DCK: variants seen among roughly 807,000 people sequenced by gnomAD.
DCK encodes the protein deoxycytidine kinase, also known as deoxyadenosine kinase.
A neutral mutation model predicts 38.3 loss-of-function variants in DCK; 23 were observed. The observed-to-expected ratio is 0.60, with a 90% CI of 0.43 to 0.85. The LOEUF (loss-of-function observed/expected upper bound fraction) is 0.85. Ranked by LOEUF, DCK falls within the 40% of genes least tolerant of loss-of-function variation. The pLI, the probability that DCK is intolerant of heterozygous loss-of-function variation, is 0.00. For synonymous variants in DCK, 108 were observed against 100.6 expected (o/e 1.07, Z -0.44); for missense variants, 259 against 304.4 (o/e 0.85, Z 1.11).
intron 2 of DCK, among the ~76,000 whole-genome samples, chr4:71,015,556 C>A (rs1363131075): frequency 6.6e-6 from 1 of 152,182 alleles, no homozygotes. Context: ...CAAACTGAAT[C>A]CAGCAGCACA....
At chr4:70,994,382 GC>G (rs1046295067) in intron 1 of DCK, among the ~76,000 whole-genome samples, 3 of 152,102 alleles carry the variant, frequency 2.0e-5, no homozygotes, top group African/African-American at 7.2e-5. Context: ...TTTGTATTCA[GC>G]CCCCTCCACC....
intron 2 of DCK, among the ~76,000 whole-genome samples, chr4:71,010,486 C>G (rs1338910301): frequency 6.6e-6 from 1 of 150,780 alleles, no homozygotes; most frequent in African/African-American, 2.4e-5. Flanking sequence ...GAAGCTGTCT[C>G]TGTCTTGTTT....
chr4:71,005,790 C>G (rs1375587580), intron 2 of DCK, among the ~76,000 whole-genome samples: 1 of 152,030 alleles, frequency 6.6e-6, no homozygotes, highest in Non-Finnish European at 1.5e-5. Flanking sequence ...GCCTGAGCCA[C>G]TATGCCCAAC....
At position 71,025,616 on chromosome 4, in the gene DCK, A is replaced by G. The variant is rs370858004; in HGVS notation, c.550-200A>G. 8.5e-5 allele frequency among the ~76,000 whole-genome samples: 13 copies of G among 152,192 alleles called. No homozygotes were observed. The East Asian group carries it at 1.9e-3, about 23-fold the overall frequency. On this transcript the variant is annotated intron_variant, in intron 4 of 6. Transcript: ENST00000286648. ...CCAAAAATTTATAGGCTTATTTTTG[A>G]AAGTACTGCTTGGCTTAGAGCCACC...
At chr4:71,014,615 C>T (rs1740203645) in intron 2 of DCK, among the ~76,000 whole-genome samples, 4 of 152,218 alleles carry the variant, frequency 2.6e-5, no homozygotes, top group Admixed American at 2.0e-4. Context: ...GATTAAGAAA[C>T]TTACTCAAAA....
chr4:71,020,893 T>C (rs778165061), intron 2 of DCK, among the ~76,000 whole-genome samples: 67 of 152,114 alleles, frequency 4.4e-4, no homozygotes, highest in Non-Finnish European at 8.8e-4. Context: ...TCCCCAGATT[T>C]AGAATCAGAA....
At chr4:71,012,820 C>A (rs1016932285) in intron 2 of DCK, among the ~76,000 whole-genome samples, 1 of 152,178 alleles carries the variant, frequency 6.6e-6, no homozygotes, top group Non-Finnish European at 1.5e-5. Flanking sequence ...TAGGGAAAAA[C>A]AGAGCAGAAA....
chr4:71,021,834 C>G (rs1042399871), intron 2 of DCK, among the ~76,000 whole-genome samples: 5 of 152,146 alleles, frequency 3.3e-5, no homozygotes, highest in African/African-American at 4.8e-5. Context: ...AACCCCGTCT[C>G]TACTAAAAAT....
chr4:71,017,904 T>C (rs1740313435), intron 2 of DCK, among the ~76,000 whole-genome samples: 1 of 151,984 alleles, frequency 6.6e-6, no homozygotes, highest in Non-Finnish European at 1.5e-5. Flanking sequence ...GTTGTGCACA[T>C]GTACCCAAGA....
intron 1 of DCK, among the ~76,000 whole-genome samples, chr4:70,996,396 G>A (rs1739661903): frequency 6.6e-6 from 1 of 152,068 alleles, no homozygotes. Flanking sequence ...TTGCTAACTC[G>A]AAAACGTTTT....
chr4:71,024,563 T>C (rs1044978317), intron 4 of DCK, among the ~76,000 whole-genome samples: 2 of 152,140 alleles, frequency 1.3e-5, no homozygotes, highest in Non-Finnish European at 2.9e-5. Context: ...ACTGTGTTGC[T>C]GTCGAAGCTG....
At chr4:71,010,573 ATATTTT>A (rs1315429575) in intron 2 of DCK, among the ~76,000 whole-genome samples, 1 of 148,408 alleles carries the variant, frequency 6.7e-6, no homozygotes. Flanking sequence ...AAAAATTAAG[ATATTTT>A]TATTTTTAAT....
intron 4 of DCK, among the ~76,000 whole-genome samples, chr4:71,023,978 ACT>A (rs1023886204): frequency 5.9e-5 from 9 of 152,040 alleles, no homozygotes; most frequent in Non-Finnish European, 1.3e-4. Flanking sequence ...ACATTTGCAG[ACT>A]CTTCTCATTC....
In DCK at chr4:71,022,411, G is replaced by A. The variant is rs1319324308; in HGVS notation, c.252G>A (p.Met84Ile). ...SQKNGGNVLQMMYEKPERWSF... is the reference protein window; with the variant it reads ...SQKNGGNVLQIMYEKPERWSF... ...AAAATGGTGGGAATGTTCTTCAGAT[G>A]ATGTATGAGAAACCTGAACGATGGT... The change falls in exon 3 of 7, where the codon ATG becomes ATA. Residue 84 changes from methionine (M) to isoleucine (I), a missense_variant. Physicochemically the swap from Met to Ile is conservative, Grantham distance 10. Transcript: ENST00000286648. The A allele has an allele frequency of 6.3e-7, 1 of 1,587,000 alleles. No homozygotes were observed. The highest frequency in any genetic ancestry group is 8.6e-7 in the Non-Finnish European group (1 of 1,169,326).
chr4:71,011,176 C>G (rs1740079885), intron 2 of DCK, among the ~76,000 whole-genome samples: 1 of 149,292 alleles, frequency 6.7e-6, no homozygotes. Flanking sequence ...CTCCTGACCT[C>G]AAGTGATCCA....
chr4:71,019,365 A>G (rs1740350361), intron 2 of DCK, among the ~76,000 whole-genome samples: 1 of 152,200 alleles, frequency 6.6e-6, no homozygotes, highest in African/African-American at 2.4e-5. Context: ...AAAAGGAGGT[A>G]TGTGGTCTTT....
chr4:71,012,992 T>C (rs1740143494), intron 2 of DCK, among the ~76,000 whole-genome samples: 1 of 152,138 alleles, frequency 6.6e-6, no homozygotes, highest in Non-Finnish European at 1.5e-5. Context: ...TTCGAACCCA[T>C]GGCAAAGAAG....
Position 71,029,942 on chromosome 4 carries a change from T to G in DCK, c.*564T>G, listed in dbSNP as rs1455415008. 1 of 152,740 alleles carries G rather than the reference T, an allele frequency of 6.5e-6. No individual in the cohort carries two copies. The highest frequency in any genetic ancestry group is 1.5e-5 in the Non-Finnish European group (1 of 68,088). 9.5% of individuals were successfully genotyped at this position (152,740 alleles called of 1,614,324 possible). ...CCACCTCTTACTTCCTGCCTCAGTC[T>G]GCTTTCTCTACTGTCTGGATTAATT... On this transcript the variant is annotated 3_prime_UTR_variant, in exon 7 of 7. Coordinates refer to ENST00000286648, the MANE Select transcript of DCK (RefSeq NM_000788.3).
chr4:71,010,617 ATAT>A (rs1247446592), intron 2 of DCK, among the ~76,000 whole-genome samples: 3 of 147,568 alleles, frequency 2.0e-5, no homozygotes, highest in African/African-American at 4.9e-5. Context: ...ATTTAATTTT[ATAT>A]TATATTTATA....
Sources: allele counts gnomAD v4.1 joint callset (sites outside exome capture counted in the v4.1 genomes callset), GRCh38; gene constraint gnomAD v4.1.1; transcripts MANE v1.5; gene names NCBI Gene and HGNC (gene_info 2026-07-23, HGNC 2026-07-21).